The following HTR4 variants were observed in gnomAD, a reference collection of about 807,000 sequenced individuals.
The protein encoded by HTR4 is 5-hydroxytryptamine (serotonin) receptor 4, G protein-coupled.
In HTR4, 16 loss-of-function variants were observed where a neutral mutation model predicts 36.8. The ratio of observed to expected loss-of-function variants is 0.43; its 90% CI spans 0.29 to 0.66. HTR4 has a LOEUF of 0.66. HTR4 is among the 30% of genes least tolerant of loss of function. The probability of loss-of-function intolerance (pLI) is 0.13; values close to 1 mark genes in which losing one functional copy is unlikely to be tolerated. For missense variants in HTR4, 438 were observed against 490.9 expected (o/e 0.89, Z 1.02); for synonymous variants, 189 against 185.1 (o/e 1.02, Z -0.17).
At chr5:148,557,712 T>C (rs973362156) in intron 2 of HTR4, among the ~76,000 whole-genome samples, 7 of 151,148 alleles carry the variant, frequency 4.6e-5, no homozygotes, top group Admixed American at 1.3e-4. Flanking sequence ...GAGCGGTATT[T>C]TGGAAGCCAA....
At chr5:148,497,137 A>AT (rs370247229) in intron 6 of HTR4, among the ~76,000 whole-genome samples, 22 of 151,908 alleles carry the variant, frequency 1.4e-4, no homozygotes, top group African/African-American at 2.2e-4. Flanking sequence ...AAAAAAAACC[A>AT]TTTTTTTTAA....
intron 2 of HTR4, chr5:148,629,839 T>C (rs1753257738): frequency 6.6e-6 from 1 of 152,188 alleles, no homozygotes; most frequent in South Asian, 2.1e-4. Flanking sequence ...TGCCACAGTT[T>C]TTATGCACTT....
chr5:148,561,058 A>AT (rs1046941077), intron 2 of HTR4, among the ~76,000 whole-genome samples: 28 of 151,946 alleles, frequency 1.8e-4, no homozygotes, highest in African/African-American at 6.3e-4. Context: ...ATTTTATTTG[A>AT]TTTTTTTTGA....
chr5:148,593,964 C>G (rs1263134725), intron 2 of HTR4, among the ~76,000 whole-genome samples: 1 of 152,118 alleles, frequency 6.6e-6, no homozygotes, highest in Non-Finnish European at 1.5e-5. Flanking sequence ...AGCTTCTCAG[C>G]ATGAATTATT....
intron 4 of HTR4, among the ~76,000 whole-genome samples, chr5:148,540,099 C>T (rs942229212): frequency 1.3e-5 from 2 of 151,878 alleles, no homozygotes; most frequent in African/African-American, 4.8e-5. Context: ...AGGCCATTAT[C>T]CTCAGGAAAC....
chr5:148,550,315 A>C, intron 2 of HTR4, 53 bp from the exon 3 acceptor site: 1 of 1,605,584 alleles, frequency 6.2e-7, no homozygotes, highest in Non-Finnish European at 8.5e-7. Context: ...GGACACAAGA[A>C]GGAAAATTCG....
chr5:148,505,010 C>T (rs902967241), intron 6 of HTR4, among the ~76,000 whole-genome samples: 1 of 152,076 alleles, frequency 6.6e-6, no homozygotes, highest in Non-Finnish European at 1.5e-5. Flanking sequence ...TAATAGCCTA[C>T]CAACCAAAAA....
At chr5:148,492,198 C>T (rs1294295681) in intron 6 of HTR4, among the ~76,000 whole-genome samples, 1 of 152,148 alleles carries the variant, frequency 6.6e-6, no homozygotes. Context: ...AGTGGGTGCA[C>T]CTACGGAGCA....
In HTR4 at chr5:148,509,861, T is replaced by C; in HGVS notation, c.671A>G (p.His224Arg). The change falls in exon 6 of 7, where the codon CAT becomes CGT. Residue 224 changes from histidine to arginine, a missense_variant. His to Arg is a conservative substitution (Grantham distance 29). Transcript: ENST00000377888. ...RIYVTAKEHA[H>R]QIQMLQRAGA... The stretch of plus-strand genomic sequence containing the variant: ...TGCCCGTTGTAACATCTGGATCTGA[T>C]GGGCATGCTCCTTAGCTGTGACATA... The C allele has an allele frequency of 6.2e-7, 1 of 1,613,998 alleles. No individual in the cohort carries two copies. The highest frequency in any genetic ancestry group is 8.5e-7 in the Non-Finnish European group (1 of 1,179,996).
intron 2 of HTR4, among the ~76,000 whole-genome samples, chr5:148,591,955 T>C (rs1267426672): frequency 1.3e-5 from 2 of 152,062 alleles, no homozygotes; most frequent in Non-Finnish European, 2.9e-5. Flanking sequence ...TGCAGCACTA[T>C]TCACAATAGC....
intron 2 of HTR4, among the ~76,000 whole-genome samples, chr5:148,574,384 T>TTG (rs932233247): frequency 7.0e-6 from 1 of 142,168 alleles, no homozygotes; most frequent in Admixed American, 7.0e-5. Flanking sequence ...TGTAAGGCTC[T>TTG]CGCGCGCTCT....
At chr5:148,547,061 A>C (rs1183573606) in intron 4 of HTR4, among the ~76,000 whole-genome samples, 1 of 152,148 alleles carries the variant, frequency 6.6e-6, no homozygotes, top group East Asian at 1.9e-4. Flanking sequence ...ATATTCAACT[A>C]TATGTTCTTG....
intron 2 of HTR4, among the ~76,000 whole-genome samples, chr5:148,606,900 C>T (rs896306351): frequency 9.9e-5 from 15 of 152,088 alleles, no homozygotes; most frequent in Admixed American, 4.6e-4. Context: ...GATTCTTTAC[C>T]GTGAAACAGC....
At chr5:148,512,947 G>C (rs896875813) in intron 5 of HTR4, among the ~76,000 whole-genome samples, 1 of 151,728 alleles carries the variant, frequency 6.6e-6, no homozygotes. Context: ...ATTGTCAAGA[G>C]ATGTAAAGAC....
intron 2 of HTR4, among the ~76,000 whole-genome samples, chr5:148,575,382 A>C (rs1760852175): frequency 6.6e-6 from 1 of 152,078 alleles, no homozygotes; most frequent in African/African-American, 2.4e-5. Context: ...TTTTTAATTA[A>C]ATGAGTAAAA....
chr5:148,464,071 T>C (rs1238959626), intron 5 of HTR4, among the ~76,000 whole-genome samples: 1 of 150,082 alleles, frequency 6.7e-6, no homozygotes, highest in Non-Finnish European at 1.5e-5. Context: ...ACACAGACCT[T>C]ATATCTTGCA....
At chr5:148,572,987 T>A (rs920983775) in intron 2 of HTR4, among the ~76,000 whole-genome samples, 1 of 152,086 alleles carries the variant, frequency 6.6e-6, no homozygotes, top group Non-Finnish European at 1.5e-5. Flanking sequence ...AATGAAGGTT[T>A]AGAATTATTC....
chr5:148,469,757 C>A (rs868168930), intron 5 of HTR4, among the ~76,000 whole-genome samples: 1 of 152,172 alleles, frequency 6.6e-6, no homozygotes, highest in African/African-American at 2.4e-5. Flanking sequence ...CCTTGTCAGG[C>A]TCCTAGGATG....
At chr5:148,528,854 T>C (rs958152934) in intron 4 of HTR4, among the ~76,000 whole-genome samples, 1 of 152,060 alleles carries the variant, frequency 6.6e-6, no homozygotes, top group Non-Finnish European at 1.5e-5. Flanking sequence ...GCTGGTTTGA[T>C]AATAATAGCT....
Sources: allele counts gnomAD v4.1 joint callset (sites outside exome capture counted in the v4.1 genomes callset), GRCh38; gene constraint gnomAD v4.1.1; transcripts MANE v1.5; gene names NCBI Gene and HGNC (gene_info 2026-07-23, HGNC 2026-07-21).